PTPRK: variants seen among roughly 807,000 people sequenced by gnomAD.
The protein encoded by PTPRK is receptor-type tyrosine-protein phosphatase kappa.
A neutral mutation model predicts 178.0 loss-of-function variants in PTPRK; 75 were observed. The ratio of observed to expected loss-of-function variants is 0.42; its 90% CI spans 0.35 to 0.51. The LOEUF (loss-of-function observed/expected upper bound fraction) is 0.51. Among genes scored for constraint, PTPRK ranks in the 20% least tolerant of loss-of-function variants. PTPRK has a pLI of 0.02. For synonymous variants in PTPRK, 637 were observed against 620.6 expected, an observed-to-expected ratio of 1.03 and a Z score of -0.39; for missense variants, 1,441 against 1,797.8, an observed-to-expected ratio of 0.80 and a Z score of 3.59.
At chr6:127,998,570 C>T (rs1369438980) in intron 16 of PTPRK, 150 bp downstream of exon 16, 1 of 490,350 alleles carries the variant, frequency 2.0e-6, no homozygotes, top group African/African-American at 2.0e-5. Flanking sequence ...CCCAGGTACA[C>T]ACACTTGGTT....
chr6:128,043,545 A>C (rs1777539277), intron 13 of PTPRK, among the ~76,000 whole-genome samples: 1 of 151,970 alleles, frequency 6.6e-6, no homozygotes, highest in African/African-American at 2.4e-5. Flanking sequence ...CATACTATAA[A>C]GCCAATCAGT....
intron 1 of PTPRK, among the ~76,000 whole-genome samples, chr6:128,495,077 A>C (rs927558866): frequency 4.6e-5 from 7 of 152,250 alleles, no homozygotes; most frequent in African/African-American, 1.7e-4. Context: ...TTTATTATAC[A>C]TCAACTCTGT....
chr6:128,384,982 T>C (rs1434047011), intron 2 of PTPRK, among the ~76,000 whole-genome samples: 2 of 150,926 alleles, frequency 1.3e-5, no homozygotes, highest in African/African-American at 4.8e-5. Flanking sequence ...GTTTTGATGA[T>C]TAAAAACAAA....
intron 3 of PTPRK, among the ~76,000 whole-genome samples, chr6:128,285,834 T>C (rs1353843690): frequency 6.6e-6 from 1 of 151,768 alleles, no homozygotes; most frequent in Non-Finnish European, 1.5e-5. Flanking sequence ...AATAAATAAA[T>C]AAGAAAGAAA....
At chr6:128,240,897 A>C (rs1814297672) in intron 4 of PTPRK, among the ~76,000 whole-genome samples, 1 of 152,318 alleles carries the variant, frequency 6.6e-6, no homozygotes, top group East Asian at 1.9e-4. Flanking sequence ...ATTGAAAGGA[A>C]ATTTATATAA....
intron 10 of PTPRK, among the ~76,000 whole-genome samples, chr6:128,081,068 T>C (rs972326058): frequency 2.0e-5 from 3 of 152,130 alleles, no homozygotes; most frequent in South Asian, 2.1e-4. Flanking sequence ...ATTTGTTCAA[T>C]GTTCTCAGTT....
At chr6:128,319,848 A>C (rs745514218) in intron 3 of PTPRK, among the ~76,000 whole-genome samples, 2 of 152,202 alleles carry the variant, frequency 1.3e-5, no homozygotes, top group Non-Finnish European at 2.9e-5. Flanking sequence ...AGGTACAACT[A>C]ATAATCTAAA....
intron 16 of PTPRK, among the ~76,000 whole-genome samples, chr6:127,997,809 T>C (rs1583570367): frequency 6.6e-6 from 1 of 152,228 alleles, no homozygotes; most frequent in South Asian, 2.1e-4. Flanking sequence ...AATTCAGAGA[T>C]AATTAACACT....
Position 128,067,627 on chromosome 6 carries a change from G to A in PTPRK, c.2049C>T (p.Ala683=), listed in dbSNP as rs140589416. The A allele has an allele frequency of 1.3e-5, 21 of 1,613,634 alleles. No individual in the cohort carries two copies. In the African/African-American group the frequency reaches 2.7e-4, roughly 20 times the overall value. The change falls in exon 12 of 30, where the codon GCC becomes GCT. Residue 683 remains alanine (A), a synonymous_variant. Coordinates refer to ENST00000368226, the MANE Select transcript of PTPRK (RefSeq NM_002844.4). ...ELPPGNLPEP[A]PFTVGDNRTY... ...TCCGATTGTCACCCACAGTGAACGG[G>A]GCAGGCTCAGGTAGGTTTCCCGGGG...
intron 11 of PTPRK, among the ~76,000 whole-genome samples, chr6:128,078,108 C>T (rs965169193): frequency 1.3e-5 from 2 of 151,834 alleles, no homozygotes; most frequent in Non-Finnish European, 2.9e-5. Flanking sequence ...CTTCAAAGCT[C>T]TTATAACATA....
chr6:128,252,208 T>G (rs6933133), intron 3 of PTPRK, among the ~76,000 whole-genome samples: 10,702 of 152,264 alleles, frequency 0.07, 1,034 homozygotes, highest in African/African-American at 0.22. Context: ...CATTCCTATG[T>G]TTCAAATTAG....
intron 1 of PTPRK, among the ~76,000 whole-genome samples, chr6:128,511,962 G>A (rs1025306126): frequency 6.6e-6 from 1 of 152,038 alleles, no homozygotes; most frequent in African/African-American, 2.4e-5. Flanking sequence ...TGTTATTTTT[G>A]CAATTGCTTT....
chr6:127,984,599 G>T (rs1258943276), intron 22 of PTPRK, among the ~76,000 whole-genome samples: 1 of 152,136 alleles, frequency 6.6e-6, no homozygotes, highest in East Asian at 1.9e-4. Flanking sequence ...GATAAATCAA[G>T]AAATTCTTAA....
At chr6:128,188,390 T>TA (rs1443790343) in intron 6 of PTPRK, among the ~76,000 whole-genome samples, 1 of 151,958 alleles carries the variant, frequency 6.6e-6, no homozygotes, top group South Asian at 2.1e-4. Flanking sequence ...AAATGCAGAA[T>TA]AAAAAATAGA....
At chr6:128,209,625 T>C (rs1807703590) in intron 6 of PTPRK, among the ~76,000 whole-genome samples, 3 of 152,174 alleles carry the variant, frequency 2.0e-5, no homozygotes, top group South Asian at 4.1e-4. Flanking sequence ...CAATATTTGA[T>C]GAGACCTGCT....
At chr6:128,237,384 T>C (rs1015735088) in intron 5 of PTPRK, among the ~76,000 whole-genome samples, 6 of 152,214 alleles carry the variant, frequency 3.9e-5, no homozygotes, top group African/African-American at 1.4e-4. Flanking sequence ...TTCAAGTACA[T>C]TCATTCTCAG....
chr6:128,206,500 TA>T (rs1203154987), intron 6 of PTPRK, among the ~76,000 whole-genome samples: 2 of 150,876 alleles, frequency 1.3e-5, no homozygotes, highest in Non-Finnish European at 2.9e-5. Flanking sequence ...ATTCTCAGTA[TA>T]AAAAAAGGAT....
At chr6:128,503,878 G>GTGTC in intron 1 of PTPRK, among the ~76,000 whole-genome samples, 1 of 143,132 alleles carries the variant, frequency 7.0e-6, no homozygotes, top group East Asian at 1.9e-4. Context: ...GTGTGTGTGT[G>GTGTC]TGTGTGTAGA....
intron 11 of PTPRK, among the ~76,000 whole-genome samples, chr6:128,076,236 T>A (rs553106646): frequency 6.6e-6 from 1 of 152,114 alleles, no homozygotes; most frequent in Admixed American, 6.6e-5. Context: ...TGAATCTTCA[T>A]TTTCAAAAAA....
Sources: gnomAD v4.1 joint callset for allele counts (sites outside exome capture counted in the v4.1 genomes callset) on GRCh38, gnomAD v4.1.1 for gene constraint, MANE v1.5 for transcripts, NCBI Gene and HGNC (gene_info 2026-07-23, HGNC 2026-07-21) for gene names.